Variants in ASAH1 observed in about 807,000 individuals in gnomAD.
The protein encoded by ASAH1 is acid ceramidase.
Under a neutral mutation model 59.5 loss-of-function variants are expected in ASAH1, and 70 were observed. The ratio of observed to expected loss-of-function variants is 1.18; its 90% confidence interval spans 0.97 to 1.43. The LOEUF (loss-of-function observed/expected upper bound fraction) is 1.43. Ranked by LOEUF, ASAH1 falls within the 40% of genes most tolerant of loss-of-function variation. The pLI, the probability that ASAH1 is intolerant of heterozygous loss-of-function variation, is 0.00. For missense variants in ASAH1, 660 were observed against 482.5 expected (o/e 1.37, Z -3.45); for synonymous variants, 213 against 166.5 (o/e 1.28, Z -2.15).
rs1416246041 is a variant in ASAH1 at position 18,061,481 on chromosome 8, C to T, written c.704-23G>A. The T allele has an allele frequency of 1.9e-6, 3 of 1,591,388 alleles. No individual in the cohort carries two copies. In the South Asian group the frequency reaches 3.3e-5, roughly 18 times the overall value. On this transcript the variant is annotated intron_variant, in intron 9 of 13. Transcript: ENST00000637790. ...TACCTGGAAGAGATGAACACAATGT[C>T]AGGAACCGGAAGAGGTGACACTATG... is the stretch of plus-strand genomic sequence containing the variant.
In ASAH1 at chr8:18,069,868, A is replaced by G; in HGVS notation, c.227T>C (p.Ile76Thr). ...MLDKAPVLKV[I>T]VNSLKNMINT... ...TATCATATTCTTCAGAGAATTCACT[A>G]TAACCTTTAGCTGAAAAATAAATAA... is the stretch of plus-strand genomic sequence containing the variant. The change falls in exon 4 of 14, where the codon ATA becomes ACA. Residue 76 changes from isoleucine to threonine, a missense_variant. Physicochemically the swap from Ile to Thr is moderately conservative, Grantham distance 89. Coordinates refer to ENST00000637790, the MANE Select transcript of ASAH1 (RefSeq NM_177924.5). 6.3e-7 allele frequency: 1 copy of G among 1,582,554 alleles called. No individual in the cohort carries two copies. Among genetic ancestry groups the G allele is most frequent in the Non-Finnish European group, 8.7e-7 (1 of 1,154,714 alleles).
intron 1 of ASAH1, 102 bp downstream of exon 1, chr8:18,083,879 G>C (rs142918004): frequency 2.0e-6 from 3 of 1,530,316 alleles, no homozygotes; most frequent in East Asian, 2.4e-5. Flanking sequence ...AAGCTGCCCA[G>C]CACGAGGTGT....
chr8:18,084,413 C>T, upstream of ASAH1: 1 of 1,388,942 alleles, frequency 7.2e-7, no homozygotes, highest in Non-Finnish European at 9.4e-7. Flanking sequence ...TCACCCGTGG[C>T]GCCTCGATGG....
chr8:18,062,948 G>A, intron 7 of ASAH1: 1 of 445,980 alleles, frequency 2.2e-6, no homozygotes, highest in East Asian at 4.5e-5. Context: ...TCGGCTCACT[G>A]CAACCTCCGC....
At position 18,058,715 on chromosome 8, in the gene ASAH1, A is replaced by C. The variant is rs420610; in HGVS notation, c.1098+120T>G. On this transcript the variant is annotated intron_variant, in intron 13 of 13. Coordinates refer to ENST00000637790, the MANE Select transcript of ASAH1 (RefSeq NM_177924.5). ...ACACAAAAACATTTTTTAATAAAAA[A>C]TCAGTCCTAAGCTGAACACACCTTT... The C allele has an allele frequency of 0.85, 756,651 of 888,750 alleles. 335,049 individuals are homozygous for C. Among genetic ancestry groups the C allele is most frequent in the Non-Finnish European group, 0.94 (521,513 of 552,996 alleles). The allele number at this position is 888,750 out of a possible 1,614,324, so 55.1% of individuals were successfully genotyped here.
intron 1 of ASAH1, among the ~76,000 whole-genome samples, chr8:18,078,816 C>T (rs1461459794): frequency 2.6e-5 from 4 of 151,856 alleles, no homozygotes; most frequent in African/African-American, 9.7e-5. Flanking sequence ...CTATGTACAC[C>T]CTATCACAGG....
At chr8:18,064,985 T>C (rs987583963) in intron 5 of ASAH1, 10 of 156,150 alleles carry the variant, frequency 6.4e-5, no homozygotes, top group Admixed American at 1.9e-4. Flanking sequence ...AGAAACTCCA[T>C]TCTAGGGTAT....
chr8:18,069,904 A>G (rs1207152467), intron 3 of ASAH1, 26 bp from the exon 4 acceptor site: 2 of 1,480,238 alleles, frequency 1.4e-6, no homozygotes. Context: ...AATGCTTACT[A>G]AAAGACATAA....
intron 5 of ASAH1, chr8:18,065,480 T>C (rs1309605178): frequency 1.3e-5 from 2 of 152,170 alleles, no homozygotes; most frequent in Admixed American, 6.5e-5. Context: ...CTGTTGGCTA[T>C]TTAAAATAAT....
intron 2 of ASAH1, chr8:18,073,189 T>C (rs1800245938): frequency 4.2e-6 from 6 of 1,417,926 alleles, no homozygotes; most frequent in Non-Finnish European, 4.9e-6. Context: ...GTTAAACAGT[T>C]TTCTAAAACA....
rs113747854 is a variant in ASAH1 at position 18,056,302 on chromosome 8, C to T, written c.*1232G>A. On this transcript the variant is annotated 3_prime_UTR_variant, in exon 14 of 14. Coordinates refer to ENST00000637790, the MANE Select transcript of ASAH1 (RefSeq NM_177924.5). Reference sequence around the variant, plus strand: ...CAGTCATGTAAGAGTAAGATTGTGACCGTTTAGTCATATTTAATAACCCAC... The same window carrying T: ...CAGTCATGTAAGAGTAAGATTGTGATCGTTTAGTCATATTTAATAACCCAC... 6.6e-6 allele frequency: 1 copy of T among 152,096 alleles called. No homozygotes were observed. The highest frequency in any genetic ancestry group is 2.4e-5 in the African/African-American group (1 of 41,390). 9.4% of individuals were successfully genotyped at this position (152,096 alleles called of 1,614,324 possible).
rs1588973237 is a variant in ASAH1 at position 18,058,848 on chromosome 8, G to C, written c.1085C>G (p.Pro362Arg). ...ETMYDVLSTK[P>R]VLNKLTVYTT... ...CATTTAAAATACCTTGTTGAGGACA[G>C]GTTTTGTTGACAGGACATCATACAT... Residue 362 changes from proline to arginine, a missense_variant, in exon 13 of 14, where the codon CCT (proline) becomes CGT (arginine). Coordinates refer to ENST00000637790, the MANE Select transcript of ASAH1 (RefSeq NM_177924.5). 1 of 1,612,138 alleles carries C rather than the reference G, an allele frequency of 6.2e-7. No individual in the cohort carries two copies. Among genetic ancestry groups the C allele is most frequent in the Non-Finnish European group, 8.5e-7 (1 of 1,178,218 alleles).
intron 10 of ASAH1, 180 bp from the exon 11 acceptor site, chr8:18,059,883 C>T: frequency 3.4e-6 from 2 of 586,310 alleles, no homozygotes; most frequent in South Asian, 2.1e-5. Context: ...ATCTAAGTTT[C>T]AAGCCCTACA....
chr8:18,060,770 CAG>C (rs1345628060), intron 10 of ASAH1: 2 of 152,384 alleles, frequency 1.3e-5, no homozygotes, highest in Non-Finnish European at 2.9e-5. Context: ...TTTTTTAAGA[CAG>C]AGTCTCACTC....
intron 3 of ASAH1, among the ~76,000 whole-genome samples, chr8:18,070,656 A>G (rs1159972627): frequency 6.6e-6 from 1 of 152,200 alleles, no homozygotes; most frequent in Admixed American, 6.5e-5. Flanking sequence ...AATTATTTAC[A>G]TGAAGGGAGA....
intron 4 of ASAH1, chr8:18,069,584 C>T (rs1412091156): frequency 3.9e-6 from 2 of 512,934 alleles, no homozygotes; most frequent in Non-Finnish European, 7.1e-6. Flanking sequence ...GTAGTCCCAT[C>T]CCCTTTTACG....
chr8:18,079,059 C>T (rs185628373), intron 1 of ASAH1, among the ~76,000 whole-genome samples: 161 of 152,174 alleles, frequency 1.1e-3, no homozygotes, highest in African/African-American at 3.7e-3. Flanking sequence ...GGTGGATCAC[C>T]TGAGGTCAGG....
In ASAH1 at chr8:18,059,709, T is replaced by C. The variant is rs771900362; in HGVS notation, c.786-6A>G. 33 of 1,604,418 alleles carry C rather than the reference T, an allele frequency of 2.1e-5. No homozygotes were observed. The highest frequency in any genetic ancestry group is 2.3e-5 in the South Asian group (2 of 88,124). On this transcript the variant is annotated splice_polypyrimidine_tract_variant and splice_region_variant and intron_variant, in intron 10 of 13. Transcript: ENST00000637790. ...AATTCTTGGCTTCTTCATAACTATA[T>C]AGAAACATTTAAAAAGAAAAATGAA...
At chr8:18,078,424 T>A (rs1249256294) in intron 1 of ASAH1, among the ~76,000 whole-genome samples, 2 of 152,198 alleles carry the variant, frequency 1.3e-5, no homozygotes, top group Admixed American at 6.5e-5. Flanking sequence ...AGAACCTGGC[T>A]GCAAGGAAAT....
Sources: gnomAD v4.1 joint callset for allele counts (sites outside exome capture counted in the v4.1 genomes callset) on GRCh38, gnomAD v4.1.1 for gene constraint, MANE v1.5 for transcripts, NCBI Gene and HGNC (gene_info 2026-07-23, HGNC 2026-07-21) for gene names.